The following INVS variants were observed in gnomAD, a reference collection of about 807,000 sequenced individuals.
INVS encodes inversin.
INVS carries 86 observed loss-of-function variants against 108.8 expected under a neutral mutation model. The observed-to-expected ratio is 0.79, with a 90% confidence interval of 0.66 to 0.95. The LOEUF (loss-of-function observed/expected upper bound fraction) is 0.95. Among genes scored for constraint, INVS ranks in the 40% least tolerant of loss-of-function variants. The pLI is 0.00. For missense variants in INVS, 1,169 were observed against 1,297.4 expected (o/e 0.90, Z 1.52); for synonymous variants, 455 against 473.5 (o/e 0.96, Z 0.51).
At chr9:100,163,603 GA>G (rs967809567) in intron 3 of INVS, among the ~76,000 whole-genome samples, 4 of 151,814 alleles carry the variant, frequency 2.6e-5, no homozygotes, top group Non-Finnish European at 4.4e-5. Flanking sequence ...ACATGCTATG[GA>G]AAAAAAATAA....
In INVS at chr9:100,272,887, T is replaced by C. The variant is rs1446860684; in HGVS notation, c.1595T>C (p.Leu532Ser). 5 of 1,614,134 alleles carry C rather than the reference T, an allele frequency of 3.1e-6. No individual in the cohort carries two copies. The Admixed American group carries it at 8.3e-5, about 27-fold the overall frequency. The part of the protein sequence containing the change: ...EERYTPLDYA[L>S]LGERHEVIQF... ...AGATACACACCCCTTGATTATGCTT[T>C]GCTTGGTGAGCGCCATGAAGTGATC... The change falls in exon 12 of 17, where the codon TTG (leucine) becomes TCG (serine). Residue 532 changes from leucine to serine, a missense_variant. Leu to Ser is a moderately radical substitution (Grantham distance 145, BLOSUM62 -2). Coordinates refer to ENST00000262457, the MANE Select transcript of INVS (RefSeq NM_014425.5).
At chr9:100,168,884 C>T (rs533465289) in intron 3 of INVS, among the ~76,000 whole-genome samples, 2 of 152,110 alleles carry the variant, frequency 1.3e-5, no homozygotes, top group Non-Finnish European at 1.5e-5. Context: ...TCACATATAA[C>T]GCTATACAAA....
intron 3 of INVS, among the ~76,000 whole-genome samples, chr9:100,198,264 A>ATTTTGTTTTTTTTTT (rs1830436247): frequency 1.5e-5 from 1 of 65,216 alleles, no homozygotes; most frequent in African/African-American, 6.1e-5. Context: ...GAGGGCTAGA[A>ATTTTGTTTTTTTTTT]TTTTTTTTTT....
In INVS at chr9:100,253,006, A is replaced by G. The variant is rs377291545; in HGVS notation, c.1334A>G (p.Asn445Ser). The G allele has an allele frequency of 2.7e-5, 44 of 1,613,844 alleles. No individual in the cohort carries two copies. The highest frequency in any genetic ancestry group is 3.6e-5 in the Non-Finnish European group (43 of 1,179,862). Reference sequence around the variant, plus strand: ...GATGTTTGCCAGATATTAATAGAAAATAAGATCAATCCAAATGTCCAGGAT... The same window carrying G: ...GATGTTTGCCAGATATTAATAGAAAGTAAGATCAATCCAAATGTCCAGGAT... Reference protein sequence around the residue: ...NADVCQILIENKINPNVQDYA... With the variant: ...NADVCQILIESKINPNVQDYA... The change falls in exon 10 of 17, where the codon AAT (asparagine) becomes AGT (serine). Residue 445 changes from asparagine (N) to serine (S), a missense_variant. By Grantham distance (46) the Asn-to-Ser change is conservative. Coordinates refer to ENST00000262457, the MANE Select transcript of INVS (RefSeq NM_014425.5).
At chr9:100,192,899 T>G (rs1451973922) in intron 3 of INVS, among the ~76,000 whole-genome samples, 1 of 152,162 alleles carries the variant, frequency 6.6e-6, no homozygotes, top group Non-Finnish European at 1.5e-5. Flanking sequence ...TCTGTATTAT[T>G]TTTAGATGCT....
chr9:100,210,128 C>T (rs1024759955), intron 3 of INVS, among the ~76,000 whole-genome samples: 1 of 152,184 alleles, frequency 6.6e-6, no homozygotes, highest in Non-Finnish European at 1.5e-5. Context: ...AGAGTTCTTA[C>T]TACCGTGTGT....
intron 3 of INVS, among the ~76,000 whole-genome samples, chr9:100,178,343 T>C (rs1829779463): frequency 6.6e-6 from 1 of 151,936 alleles, no homozygotes; most frequent in African/African-American, 2.4e-5. Context: ...GAGCTTTTTC[T>C]GTAAAGGAGC....
intron 7 of INVS, among the ~76,000 whole-genome samples, chr9:100,246,075 C>T (rs1832036520): frequency 1.3e-5 from 2 of 151,580 alleles, no homozygotes; most frequent in Non-Finnish European, 1.5e-5. Flanking sequence ...ATCACTTGAA[C>T]CTGGGAGGCA....
chr9:100,188,230 A>G (rs1164151106), intron 3 of INVS, among the ~76,000 whole-genome samples: 2 of 152,178 alleles, frequency 1.3e-5, no homozygotes, highest in East Asian at 1.9e-4. Context: ...AGAAATGATG[A>G]AAGTGGGCAT....
intron 3 of INVS, among the ~76,000 whole-genome samples, chr9:100,138,728 A>G (rs1414403128): frequency 1.4e-5 from 2 of 142,616 alleles, no homozygotes; most frequent in East Asian, 4.1e-4. Context: ...TCCTTTCAAG[A>G]GAGAGTCTCG....
intron 11 of INVS, among the ~76,000 whole-genome samples, chr9:100,266,472 C>T (rs1472444198): frequency 6.6e-6 from 1 of 152,104 alleles, no homozygotes; most frequent in East Asian, 1.9e-4. Context: ...GGTAACTTCC[C>T]AACTTTGCTA....
intron 13 of INVS, 44 bp downstream of exon 13, chr9:100,284,647 T>C (rs1307814015): frequency 1.3e-6 from 2 of 1,594,192 alleles, no homozygotes; most frequent in South Asian, 1.1e-5. Flanking sequence ...CCATGGACTG[T>C]GGGCTTTTTT....
At chr9:100,199,282 T>A (rs1390630461) in intron 3 of INVS, among the ~76,000 whole-genome samples, 1 of 152,194 alleles carries the variant, frequency 6.6e-6, no homozygotes, top group Non-Finnish European at 1.5e-5. Context: ...GTATCTCTTG[T>A]AGACAACATA....
intron 3 of INVS, among the ~76,000 whole-genome samples, chr9:100,202,926 A>G (rs181209753): frequency 2.6e-5 from 4 of 152,312 alleles, no homozygotes; most frequent in East Asian, 3.9e-4. Flanking sequence ...AACCAGAGCA[A>G]TATCTCTTAT....
intron 12 of INVS, 59 bp downstream of exon 12, chr9:100,273,135 G>A (rs961868698): frequency 1.3e-5 from 17 of 1,331,526 alleles, no homozygotes; most frequent in African/African-American, 8.7e-5. Context: ...GGAAGTGGGG[G>A]TGTGGGGGGT....
At chr9:100,128,447 A>C (rs758188707) in intron 3 of INVS, among the ~76,000 whole-genome samples, 1 of 152,196 alleles carries the variant, frequency 6.6e-6, no homozygotes, top group African/African-American at 2.4e-5. Context: ...AAGGATAGTA[A>C]TAATTCTTTA....
rs150758869 is a variant in INVS at position 100,179,140 on chromosome 9, A to G, written c.274-46922A>G. ...GCTTACAAGAGTTCCTGAAGGAGGC[A>G]CTAACTATGGAAAGGAAAAACTGGT... On this transcript the variant is annotated intron_variant, in intron 3 of 16. Coordinates refer to ENST00000262457, the MANE Select transcript of INVS (RefSeq NM_014425.5). 4.6e-5 allele frequency among the ~76,000 whole-genome samples: 7 copies of G among 152,344 alleles called. No individual in the cohort carries two copies. In the East Asian group the frequency reaches 1.3e-3, roughly 29 times the overall value.
intron 1 of INVS, among the ~76,000 whole-genome samples, chr9:100,100,740 T>TTA (rs1826855240): frequency 6.2e-5 from 3 of 48,764 alleles, no homozygotes; most frequent in Non-Finnish European, 1.0e-4. Context: ...AATATATATA[T>TTA]TATATGTACA....
At chr9:100,118,536 A>G (rs902330641) in intron 2 of INVS, among the ~76,000 whole-genome samples, 1 of 151,958 alleles carries the variant, frequency 6.6e-6, no homozygotes, top group East Asian at 1.9e-4. Context: ...TAAGCCTCCC[A>G]GTCTATGGTA....
Sources: gnomAD v4.1 joint callset for allele counts (sites outside exome capture counted in the v4.1 genomes callset) on GRCh38, gnomAD v4.1.1 for gene constraint, MANE v1.5 for transcripts, NCBI Gene and HGNC (gene_info 2026-07-23, HGNC 2026-07-21) for gene names.